Variants in MOCS3 observed in about 807,000 individuals in gnomAD.
MOCS3 encodes molybdenum cofactor synthesis 3.
MOCS3 carries 9 observed loss-of-function variants against 8.4 expected under a neutral mutation model. The ratio of observed to expected loss-of-function variants is 1.07; its 90% confidence interval spans 0.65 to 1.87. MOCS3 has a LOEUF of 1.87. MOCS3 is among the 40% of genes most tolerant of loss of function. The probability of loss-of-function intolerance (pLI) is 0.00; values close to 1 mark genes in which losing one functional copy is unlikely to be tolerated. For missense variants in MOCS3, 581 were observed against 599.7 expected (o/e 0.97, Z 0.33); for synonymous variants, 294 against 272.0 (o/e 1.08, Z -0.80).
chr20:50,960,006 C>T lies in MOCS3; in HGVS notation c.1164C>T (p.Leu388=), dbSNP rs1424872065. ...LERRDAESLK[L]LKEAIWEEKQ... ...GCAGGGATGCGGAGAGCCTGAAACT[C>T]TTAAAAGAAGCAATCTGGGAAGAGA... The change falls in exon 1 of 1, where the codon CTC becomes CTT. Residue 388 remains leucine (L), a synonymous_variant. Coordinates refer to ENST00000244051, the MANE Select transcript of MOCS3 (RefSeq NM_014484.5). 1.9e-6 allele frequency: 3 copies of T among 1,614,138 alleles called. No individual in the cohort carries two copies. The highest frequency in any genetic ancestry group is 2.5e-6 in the Non-Finnish European group (3 of 1,180,064).
In MOCS3 at chr20:50,963,294, C is replaced by T. The variant is rs1411315127; in HGVS notation, c.*3069C>T. 2 of 151,710 alleles carry T rather than the reference C, an allele frequency of 1.3e-5. No homozygotes were observed. The highest frequency in any genetic ancestry group is 4.8e-5 in the African/African-American group (2 of 41,266). 9.4% of individuals were successfully genotyped at this position (151,710 alleles called of 1,614,324 possible). ...AAATGCCTTCAGTGTACTAGTTCTT[C>T]TAGGTTCTGGAATAAAAATGAGCAA... On this transcript the variant is annotated 3_prime_UTR_variant, in exon 1 of 1. Coordinates refer to ENST00000244051, the MANE Select transcript of MOCS3 (RefSeq NM_014484.5).
Position 50,958,971 on chromosome 20 carries a change from G to T in MOCS3, c.129G>T (p.Leu43=). 3 of 1,610,224 alleles carry T rather than the reference G, an allele frequency of 1.9e-6. No homozygotes were observed. Among genetic ancestry groups the T allele is most frequent in the Non-Finnish European group, 2.5e-6 (3 of 1,177,632 alleles). ...LAEQEPQPER[L]VPVSPLPPKA... is the part of the protein sequence containing the mutation. ...AGCAGGAACCGCAGCCAGAACGGCTGGTTCCGGTGTCGCCGCTGCCGCCGA... is the reference window on the plus strand; with the variant it reads ...AGCAGGAACCGCAGCCAGAACGGCTTGTTCCGGTGTCGCCGCTGCCGCCGA... The change falls in exon 1 of 1, where the codon CTG becomes CTT. Residue 43 remains leucine (L), a synonymous_variant. Coordinates refer to ENST00000244051, the MANE Select transcript of MOCS3 (RefSeq NM_014484.5).
Position 50,959,785 on chromosome 20 carries a change from T to G in MOCS3, c.943T>G (p.Phe315Val). Reference protein sequence around the residue: ...TVTDLLDYEAFCGSSATDKCR... With the variant: ...TVTDLLDYEAVCGSSATDKCR... ...GACTGATCTGCTGGACTATGAAGCC[T>G]TCTGTGGCTCCTCAGCCACTGATAA... The change falls in exon 1 of 1, where the codon TTC becomes GTC. Residue 315 changes from phenylalanine (F) to valine (V), a missense_variant. Physicochemically the swap from Phe to Val is conservative, Grantham distance 50. Transcript: ENST00000244051. 1.2e-6 allele frequency: 2 copies of G among 1,614,268 alleles called. No homozygotes were observed. Among genetic ancestry groups the G allele is most frequent in the Non-Finnish European group, 1.7e-6 (2 of 1,180,044 alleles).
Position 50,963,886 on chromosome 20 carries a change from C to T in MOCS3, c.*3661C>T, listed in dbSNP as rs1987147230. 1 of 152,204 alleles carries T rather than the reference C, an allele frequency of 6.6e-6. No individual in the cohort carries two copies. Among genetic ancestry groups the T allele is most frequent in the Admixed American group, 6.5e-5 (1 of 15,278 alleles). The allele number at this position is 152,204 out of a possible 1,614,324, so 9.4% of individuals were successfully genotyped here. A position where few individuals can be genotyped will look rare whatever the true frequency, so the allele number is the denominator to read the frequency against. ...GCATAGAAAGCAATCTATGTCCTGACAATCACGGAAGTGTATTCCAGATAC... is the reference window on the plus strand; with the variant it reads ...GCATAGAAAGCAATCTATGTCCTGATAATCACGGAAGTGTATTCCAGATAC... On this transcript the variant is annotated 3_prime_UTR_variant, in exon 1 of 1. Transcript: ENST00000244051.
At position 50,959,150 on chromosome 20, in the gene MOCS3, C is replaced by T; in HGVS notation, c.308C>T (p.Ala103Val). ...TGTCCACTAGCGCAGTACTTGGCAGCGGCCGGCGTGGGCCGCCTTGGCCTT... is the reference window on the plus strand; with the variant it reads ...TGTCCACTAGCGCAGTACTTGGCAGTGGCCGGCGTGGGCCGCCTTGGCCTT... ...LGCPLAQYLAAAGVGRLGLVD... is the reference protein window; with the variant it reads ...LGCPLAQYLAVAGVGRLGLVD... Residue 103 changes from alanine to valine, a missense_variant, in exon 1 of 1, where the codon GCG (alanine) becomes GTG (valine). Physicochemically the swap from Ala to Val is moderately conservative, Grantham distance 64. Coordinates refer to ENST00000244051, the MANE Select transcript of MOCS3 (RefSeq NM_014484.5). 6.2e-7 allele frequency: 1 copy of T among 1,612,910 alleles called. No homozygotes were observed. The highest frequency in any genetic ancestry group is 8.5e-7 in the Non-Finnish European group (1 of 1,179,934).
Position 50,958,983 on chromosome 20 carries a change from G to T in MOCS3, c.141G>T (p.Ser47=), listed in dbSNP as rs1407266408. The T allele has an allele frequency of 6.2e-7, 1 of 1,609,400 alleles. No individual in the cohort carries two copies. Among genetic ancestry groups the T allele is most frequent in the Non-Finnish European group, 8.5e-7 (1 of 1,177,170 alleles). ...EPQPERLVPV[S]PLPPKAALSR... is the part of the protein sequence containing the mutation. ...AGCCAGAACGGCTGGTTCCGGTGTCGCCGCTGCCGCCGAAGGCCGCTCTGT... is the reference window on the plus strand; with the variant it reads ...AGCCAGAACGGCTGGTTCCGGTGTCTCCGCTGCCGCCGAAGGCCGCTCTGT... The change falls in exon 1 of 1, where the codon TCG becomes TCT. Residue 47 remains serine, a synonymous_variant. Transcript: ENST00000244051.
In MOCS3 at chr20:50,960,269, T is replaced by C. The variant is rs778536609; in HGVS notation, c.*44T>C. 11 of 1,539,542 alleles carry C rather than the reference T, an allele frequency of 7.1e-6. No individual in the cohort carries two copies. Among genetic ancestry groups the C allele is most frequent in the Non-Finnish European group, 9.6e-6 (11 of 1,141,232 alleles). On this transcript the variant is annotated 3_prime_UTR_variant, in exon 1 of 1. Transcript: ENST00000244051. ...ATGAGAAAGATGTGGATTGCCATAA[T>C]ACCTCAAAGATACACTTGTTTGCAT... is the stretch of plus-strand genomic sequence containing the variant.
Position 50,958,864 on chromosome 20 carries a change from C to T in MOCS3, c.22C>T (p.Leu8Phe). The T allele has an allele frequency of 1.9e-6, 3 of 1,595,222 alleles. No individual in the cohort carries two copies. Among genetic ancestry groups the T allele is most frequent in the Non-Finnish European group, 2.6e-6 (3 of 1,166,194 alleles). Residue 8 changes from leucine to phenylalanine, a missense_variant, in exon 1 of 1, where the codon CTC becomes TTC. Leu to Phe is a conservative substitution (Grantham distance 22, BLOSUM62 0). Coordinates refer to ENST00000244051, the MANE Select transcript of MOCS3 (RefSeq NM_014484.5). MASREEV[L>F]ALQAEVAQRE... ...CGCCATGGCTTCCCGGGAGGAGGTA[C>T]TCGCCTTACAAGCTGAAGTTGCCCA...
chr20:50,959,979 A>G lies in MOCS3; in HGVS notation c.1137A>G (p.Glu379=), dbSNP rs202020838. ...HALHIPLKHL[E]RRDAESLKLL... The stretch of plus-strand genomic sequence containing the variant: ...TACACATCCCTCTGAAACATTTGGA[A>G]CGCAGGGATGCGGAGAGCCTGAAAC... The change falls in exon 1 of 1, where the codon GAA becomes GAG. Residue 379 remains glutamate, a synonymous_variant. Transcript: ENST00000244051. 6.2e-7 allele frequency: 1 copy of G among 1,614,220 alleles called. No individual in the cohort carries two copies. The highest frequency in any genetic ancestry group is 2.2e-5 in the East Asian group (1 of 44,892).
rs1218258916 is a variant in MOCS3 at position 50,959,053 on chromosome 20, G to C, written c.211G>C (p.Glu71Gln). 1 of 1,613,022 alleles carries C rather than the reference G, an allele frequency of 6.2e-7. No individual in the cohort carries two copies. The highest frequency in any genetic ancestry group is 1.7e-4 in the Middle Eastern group (1 of 6,060). Reference protein sequence around the residue: ...LRYSRQLVLPELGVHGQLRLG... With the variant: ...LRYSRQLVLPQLGVHGQLRLG... Reference sequence around the variant, plus strand: ...CTATAGCCGGCAGCTAGTGCTGCCCGAGCTGGGCGTGCACGGACAGCTGCG... The same window carrying C: ...CTATAGCCGGCAGCTAGTGCTGCCCCAGCTGGGCGTGCACGGACAGCTGCG... Residue 71 changes from glutamate to glutamine, a missense_variant, in exon 1 of 1, where the codon GAG becomes CAG. By Grantham distance (29) the Glu-to-Gln change is conservative. Transcript: ENST00000244051.
In MOCS3 at chr20:50,961,520, T is replaced by C. The variant is rs1987102764; in HGVS notation, c.*1295T>C. ...ATTGCTGCTGTTGTTTTTTTAAGAA[T>C]GGCAGAAATCACAGATACAACTATA... is the stretch of plus-strand genomic sequence containing the variant. On this transcript the variant is annotated 3_prime_UTR_variant, in exon 1 of 1. Coordinates refer to ENST00000244051, the MANE Select transcript of MOCS3 (RefSeq NM_014484.5). 6.6e-6 allele frequency: 1 copy of C among 152,210 alleles called. No individual in the cohort carries two copies. The highest frequency in any genetic ancestry group is 2.4e-5 in the African/African-American group (1 of 41,444). 9.4% of individuals were successfully genotyped at this position (152,210 alleles called of 1,614,324 possible). A position where few individuals can be genotyped will look rare whatever the true frequency, so the allele number is the denominator to read the frequency against.
Position 50,959,846 on chromosome 20 carries a change from G to A in MOCS3, c.1004G>A (p.Arg335His), listed in dbSNP as rs1233142571. ...CTGCAACTACTGAGCCCAGAGGAGC[G>A]TGTTTCTGTCACCGACTATAAGCGA... Reference protein sequence around the residue: ...RSLQLLSPEERVSVTDYKRLL... With the variant: ...RSLQLLSPEEHVSVTDYKRLL... Residue 335 changes from arginine (R) to histidine (H), a missense_variant, in exon 1 of 1, where the codon CGT becomes CAT. Arg to His is a conservative substitution (Grantham distance 29). Coordinates refer to ENST00000244051, the MANE Select transcript of MOCS3 (RefSeq NM_014484.5). The A allele has an allele frequency of 6.2e-7, 1 of 1,614,108 alleles. No homozygotes were observed. Among genetic ancestry groups the A allele is most frequent in the Non-Finnish European group, 8.5e-7 (1 of 1,180,032 alleles).
rs1417578922 is a variant in MOCS3 at position 50,960,383 on chromosome 20, G to A, written c.*158G>A. 8.2e-6 allele frequency: 6 copies of A among 730,216 alleles called. No individual in the cohort carries two copies. Among genetic ancestry groups the A allele is most frequent in the African/African-American group, 5.4e-5 (3 of 55,836 alleles). The allele number at this position is 730,216 out of a possible 1,614,324, so 45.2% of individuals were successfully genotyped here. ...TATAAGGAGTTTTAAAAATTGTTAT[G>A]TATTGGATGAATGACTTATTAATGG... On this transcript the variant is annotated 3_prime_UTR_variant, in exon 1 of 1. Coordinates refer to ENST00000244051, the MANE Select transcript of MOCS3 (RefSeq NM_014484.5).
chr20:50,960,181 A>G lies in MOCS3; in HGVS notation c.1339A>G (p.Met447Val), dbSNP rs1215366205. The G allele has an allele frequency of 6.2e-7, 1 of 1,614,074 alleles. No individual in the cohort carries two copies. Among genetic ancestry groups the G allele is most frequent in the African/African-American group, 1.3e-5 (1 of 75,050 alleles). The change falls in exon 1 of 1, where the codon ATG (methionine) becomes GTG (valine). Residue 447 changes from methionine (M) to valine (V), a missense_variant. Met to Val is a conservative substitution (Grantham distance 21). Transcript: ENST00000244051. ...LTVRDVVGGL[M>V]AWAAKIDGTF... is the part of the protein sequence containing the mutation. ...AGTTCGGGATGTTGTGGGGGGCCTC[A>G]TGGCCTGGGCTGCCAAAATCGATGG...
In MOCS3 at chr20:50,960,386, T is replaced by TGGCTCACGCC; in HGVS notation, c.*161_*162insGGCTCACGCC. On this transcript the variant is annotated 3_prime_UTR_variant, in exon 1 of 1. Transcript: ENST00000244051. ...AAGGAGTTTTAAAAATTGTTATGTA[T>TGGCTCACGCC]TGGATGAATGACTTATTAATGGATT... 1.4e-6 allele frequency: 1 copy of TGGCTCACGCC among 717,344 alleles called. No homozygotes were observed. The highest frequency in any genetic ancestry group is 2.2e-6 in the Non-Finnish European group (1 of 452,616). The allele number at this position is 717,344 out of a possible 1,614,324, so 44.4% of individuals were successfully genotyped here.
Position 50,962,972 on chromosome 20 carries a change from T to G in MOCS3, c.*2747T>G, listed in dbSNP as rs1443672807. On this transcript the variant is annotated 3_prime_UTR_variant, in exon 1 of 1. Coordinates refer to ENST00000244051, the MANE Select transcript of MOCS3 (RefSeq NM_014484.5). ...TTGCTTCGTCGCCCAGGGTGGAGTG[T>G]AGTGTTGTGATCACAGCTCGCTGTG... 2 of 152,202 alleles carry G rather than the reference T, an allele frequency of 1.3e-5. No homozygotes were observed. The highest frequency in any genetic ancestry group is 2.9e-5 in the Non-Finnish European group (2 of 68,042). 9.4% of individuals were successfully genotyped at this position (152,202 alleles called of 1,614,324 possible).
chr20:50,959,741 G>T lies in MOCS3; in HGVS notation c.899G>T (p.Cys300Phe), dbSNP rs1987047438. ...AGCCGCAGGCTCGACTGTGCAGCTT[G>T]CGGGGAACGGCCCACTGTGACTGAT... The part of the protein sequence containing the change: ...LRSRRLDCAA[C>F]GERPTVTDLL... The change falls in exon 1 of 1, where the codon TGC (cysteine) becomes TTC (phenylalanine). Residue 300 changes from cysteine to phenylalanine, a missense_variant. Transcript: ENST00000244051. 2 of 1,614,140 alleles carry T rather than the reference G, an allele frequency of 1.2e-6. No individual in the cohort carries two copies. The highest frequency in any genetic ancestry group is 2.2e-5 in the South Asian group (2 of 91,090).
chr20:50,960,505 C>G lies in MOCS3; in HGVS notation c.*280C>G. On this transcript the variant is annotated 3_prime_UTR_variant, in exon 1 of 1. Transcript: ENST00000244051. ...ACGTGACAGGATTTTGCATTTTAAA[C>G]TGCAGATCATTTACATGTCCTTATT... 3.1e-6 allele frequency: 1 copy of G among 325,722 alleles called. No homozygotes were observed. The highest frequency in any genetic ancestry group is 5.9e-6 in the Non-Finnish European group (1 of 168,218). 20.2% of individuals were successfully genotyped at this position (325,722 alleles called of 1,614,324 possible).
At position 50,963,696 on chromosome 20, in the gene MOCS3, T is replaced by G. The variant is rs1987145162; in HGVS notation, c.*3471T>G. On this transcript the variant is annotated 3_prime_UTR_variant, in exon 1 of 1. Transcript: ENST00000244051. ...AACTTTGTAGACCATAGTAGTTTGG[T>G]TTTTATTCTAAATACAATAATAGCT... The G allele has an allele frequency of 6.6e-6, 1 of 152,234 alleles. No individual in the cohort carries two copies. The highest frequency in any genetic ancestry group is 1.5e-5 in the Non-Finnish European group (1 of 68,050). The allele number at this position is 152,234 out of a possible 1,614,324, so 9.4% of individuals were successfully genotyped here.
Sources: allele counts gnomAD v4.1 joint callset, GRCh38; gene constraint gnomAD v4.1.1; transcripts MANE v1.5; gene names NCBI Gene and HGNC (gene_info 2026-07-23, HGNC 2026-07-21).